Variants in MEPE observed in about 807,000 individuals in gnomAD.
The protein encoded by MEPE is matrix extracellular phosphoglycoprotein, also known as matrix, extracellular phosphoglycoprotein with ASARM motif (bone).
Under a neutral mutation model 7.3 loss-of-function variants are expected in MEPE, and 7 were observed. The ratio of observed to expected loss-of-function variants is 0.95; its 90% CI spans 0.54 to 1.79. The LOEUF is 1.79. MEPE is among the 40% of genes most tolerant of loss of function. The pLI, the probability that MEPE is intolerant of heterozygous loss-of-function variation, is 0.00. For synonymous variants in MEPE, 214 were observed against 213.1 expected (o/e 1.00, Z -0.04); for missense variants, 623 against 628.2 (o/e 0.99, Z 0.09).
intron 1 of MEPE, among the ~76,000 whole-genome samples, chr4:87,826,140 A>G (rs1472393421): frequency 6.6e-6 from 1 of 151,936 alleles, no homozygotes; most frequent in Non-Finnish European, 1.5e-5. Flanking sequence ...ATGCACATTC[A>G]TGTCTTTGCT....
chr4:87,824,904 G>A (rs955996590), intron 1 of MEPE, among the ~76,000 whole-genome samples: 10 of 152,174 alleles, frequency 6.6e-5, no homozygotes, highest in Admixed American at 4.6e-4. Context: ...CTGGAGTGCA[G>A]TGGTGCAATC....
chr4:87,825,798 G>A (rs763887360), intron 1 of MEPE, among the ~76,000 whole-genome samples: 13 of 152,050 alleles, frequency 8.5e-5, no homozygotes, highest in Non-Finnish European at 1.5e-4. Flanking sequence ...ACCTCCTATC[G>A]CCTAGGTATC....
intron 1 of MEPE, among the ~76,000 whole-genome samples, chr4:87,823,119 A>T (rs1373814582): frequency 6.6e-6 from 1 of 152,210 alleles, no homozygotes; most frequent in African/African-American, 2.4e-5. Context: ...CTTTTGACGC[A>T]TCAAAGAGGG....
At chr4:87,830,867 C>G (rs1053447480), upstream of MEPE, among the ~76,000 whole-genome samples, 2 of 151,414 alleles carry the variant, frequency 1.3e-5, no homozygotes, top group Non-Finnish European at 2.9e-5. Flanking sequence ...GAAAAGGCAC[C>G]ATTTTCTCAG....
At chr4:87,841,447 T>A (rs1030889715) in intron 3 of MEPE, among the ~76,000 whole-genome samples, 1 of 152,180 alleles carries the variant, frequency 6.6e-6, no homozygotes, top group Admixed American at 6.5e-5. Context: ...TATTAAAAAA[T>A]TAATGAACAA....
In MEPE at chr4:87,845,757, G is replaced by A. The variant is rs146276681; in HGVS notation, c.889G>A (p.Asp297Asn). ...GPSEAESTHL[D>N]TKKPGYNEIP... ...AAGTGAAGCTGAGAGTACTCATCTTGACACAAAAAAGCCAGGTTATAATGA... is the reference window on the plus strand; with the variant it reads ...AAGTGAAGCTGAGAGTACTCATCTTAACACAAAAAAGCCAGGTTATAATGA... The change falls in exon 4 of 4, where the codon GAC (aspartate) becomes AAC (asparagine). Residue 297 changes from aspartate (D) to asparagine (N), a missense_variant. By Grantham distance (23) the Asp-to-Asn change is conservative. Transcript: ENST00000361056. 1 of 1,613,838 alleles carries A rather than the reference G, an allele frequency of 6.2e-7. No individual in the cohort carries two copies. Among genetic ancestry groups the A allele is most frequent in the African/African-American group, 1.3e-5 (1 of 74,990 alleles).
chr4:87,832,887 C>T (rs996589583), upstream of MEPE: 2 of 152,162 alleles, frequency 1.3e-5, no homozygotes, highest in African/African-American at 4.8e-5. Context: ...AAATTGTTTG[C>T]TAGCGCTGAG....
chr4:87,845,827 G>C lies in MEPE; in HGVS notation c.959G>C (p.Arg320Thr), dbSNP rs761948192. ...EENGGNTIGT[R>T]DETAKEADAV... ...AATGGTGGAAATACCATTGGAACTAGGGATGAAACTGCGAAAGAGGCAGAT... is the reference window on the plus strand; with the variant it reads ...AATGGTGGAAATACCATTGGAACTACGGATGAAACTGCGAAAGAGGCAGAT... The change falls in exon 4 of 4, where the codon AGG (arginine) becomes ACG (threonine). Residue 320 changes from arginine (R) to threonine (T), a missense_variant. Coordinates refer to ENST00000361056, the MANE Select transcript of MEPE (RefSeq NM_020203.6). The C allele has an allele frequency of 1.1e-5, 17 of 1,613,904 alleles. No individual in the cohort carries two copies. Among genetic ancestry groups the C allele is most frequent in the Non-Finnish European group, 1.4e-5 (17 of 1,179,968 alleles).
In MEPE at chr4:87,846,527, C is replaced by T; in HGVS notation, c.*81C>T. 9.0e-6 allele frequency: 13 copies of T among 1,448,678 alleles called. No individual in the cohort carries two copies. The South Asian group carries it at 1.7e-4, about 19-fold the overall frequency. 89.7% of individuals were successfully genotyped at this position (1,448,678 alleles called of 1,614,324 possible). ...GATGTAGAGGAGAGCCACCTGACAGCTGACCAGGTGAAGAGAGGATAGAGT... is the reference window on the plus strand; with the variant it reads ...GATGTAGAGGAGAGCCACCTGACAGTTGACCAGGTGAAGAGAGGATAGAGT... On this transcript the variant is annotated 3_prime_UTR_variant, in exon 4 of 4. Coordinates refer to ENST00000361056, the MANE Select transcript of MEPE (RefSeq NM_020203.6).
At chr4:87,830,874 T>A (rs4693881), upstream of MEPE, among the ~76,000 whole-genome samples, 29,780 of 151,730 alleles carry the variant, frequency 0.2, 3,199 homozygotes, top group East Asian at 0.32. Context: ...CACCATTTTC[T>A]CAGGTAGAAC....
At chr4:87,844,183 A>G (rs185572441) in intron 3 of MEPE, among the ~76,000 whole-genome samples, 8 of 152,242 alleles carry the variant, frequency 5.3e-5, no homozygotes, top group Admixed American at 5.2e-4. Flanking sequence ...ATGCTCAGAC[A>G]CTTCTATATT....
rs1211085014 is a variant in MEPE at position 87,845,729 on chromosome 4, C to A, written c.861C>A (p.Gly287=). Residue 287 remains glycine (G), a synonymous_variant, in exon 4 of 4, where the codon GGC becomes GGA. Transcript: ENST00000361056. ...EGKDIQTGFA[G]PSEAESTHLD... ...AAGATATTCAAACAGGGTTTGCAGG[C>A]CCAAGTGAAGCTGAGAGTACTCATC... is the stretch of plus-strand genomic sequence containing the variant. 1.2e-6 allele frequency: 2 copies of A among 1,613,788 alleles called. No individual in the cohort carries two copies.
chr4:87,821,599 G>A (rs1391792043), intron 1 of MEPE: 1 of 152,164 alleles, frequency 6.6e-6, no homozygotes, highest in Non-Finnish European at 1.5e-5. Flanking sequence ...ACAAGCAAGT[G>A]GGCAAAACAT....
At position 87,845,937 on chromosome 4, in the gene MEPE, A is replaced by G. The variant is rs753690277; in HGVS notation, c.1069A>G (p.Arg357Gly). The G allele has an allele frequency of 1.9e-6, 3 of 1,614,018 alleles. No homozygotes were observed. The highest frequency in any genetic ancestry group is 2.5e-6 in the Non-Finnish European group (3 of 1,179,950). ...FKELPGREGN[R>G]VDAGSQNAHQ... ...GGAGCTCCCTGGAAGAGAAGGAAAC[A>G]GAGTGGATGCTGGCAGCCAAAATGC... The change falls in exon 4 of 4, where the codon AGA becomes GGA. Residue 357 changes from arginine to glycine, a missense_variant. By Grantham distance (125) the Arg-to-Gly change is moderately radical. Coordinates refer to ENST00000361056, the MANE Select transcript of MEPE (RefSeq NM_020203.6).
At position 87,846,236 on chromosome 4, in the gene MEPE, C is replaced by T; in HGVS notation, c.1368C>T (p.Gly456=). The T allele has an allele frequency of 6.2e-7, 1 of 1,614,000 alleles. No individual in the cohort carries two copies. The highest frequency in any genetic ancestry group is 1.1e-5 in the South Asian group (1 of 91,070). The change falls in exon 4 of 4, where the codon GGC becomes GGT. Residue 456 remains glycine (G), a synonymous_variant. Coordinates refer to ENST00000361056, the MANE Select transcript of MEPE (RefSeq NM_020203.6). ...EIKNEMDSFN[G]PSHENIITHG... The stretch of plus-strand genomic sequence containing the variant: ...AAAACGAAATGGATTCCTTTAATGG[C>T]CCCAGTCATGAGAATATAATAACAC...
chr4:87,828,554 T>C (rs1722527164), upstream of MEPE, among the ~76,000 whole-genome samples: 1 of 152,020 alleles, frequency 6.6e-6, no homozygotes, highest in Non-Finnish European at 1.5e-5. Context: ...ACAGAAAAGA[T>C]GGGTCCTAGA....
At chr4:87,830,352 G>C (rs954859900), upstream of MEPE, among the ~76,000 whole-genome samples, 2 of 152,060 alleles carry the variant, frequency 1.3e-5, no homozygotes, top group African/African-American at 4.8e-5. Flanking sequence ...TGACAGACTG[G>C]ATAAAGAAAA....
At chr4:87,829,668 G>A (rs574461817), upstream of MEPE, among the ~76,000 whole-genome samples, 296 of 152,082 alleles carry the variant, frequency 1.9e-3, 2 homozygotes, top group South Asian at 0.015. Context: ...CATTATTATA[G>A]AAATTCCTGA....
At chr4:87,839,827 T>A in intron 3 of MEPE, 3 of 1,542,794 alleles carry the variant, frequency 1.9e-6, no homozygotes, top group Non-Finnish European at 2.6e-6. Flanking sequence ...AACTCTGGAC[T>A]AGCCCTAGAG....
Sources: gnomAD v4.1 joint callset for allele counts (sites outside exome capture counted in the v4.1 genomes callset) on GRCh38, gnomAD v4.1.1 for gene constraint, MANE v1.5 for transcripts, NCBI Gene and HGNC (gene_info 2026-07-23, HGNC 2026-07-21) for gene names.